ITIH5: variants seen among roughly 807,000 people sequenced by gnomAD.
ITIH5 encodes inter-alpha-trypsin inhibitor heavy chain 5.
ITIH5 carries 65 observed loss-of-function variants against 77.5 expected under a neutral mutation model. That is an observed-to-expected ratio of 0.84 (90% confidence interval 0.69 to 1.03). The LOEUF (loss-of-function observed/expected upper bound fraction) is 1.03. Among genes scored for constraint, ITIH5 ranks in the 50% least tolerant of loss-of-function variants. ITIH5 has a pLI of 0.00. For synonymous variants in ITIH5, 525 were observed against 494.3 expected, an observed-to-expected ratio of 1.06 and a Z score of -0.82; for missense variants, 1,208 against 1,213.1, an observed-to-expected ratio of 1.00 and a Z score of 0.06.
chr10:7,593,217 T>C (rs1325357118), intron 7 of ITIH5, among the ~76,000 whole-genome samples: 1 of 152,090 alleles, frequency 6.6e-6, no homozygotes, highest in Non-Finnish European at 1.5e-5. Context: ...CAGCTGCAAC[T>C]TGTCCTTGCG....
At chr10:7,592,586 A>T (rs564293011) in intron 7 of ITIH5, among the ~76,000 whole-genome samples, 11 of 152,318 alleles carry the variant, frequency 7.2e-5, no homozygotes, top group Non-Finnish European at 1.3e-4. Flanking sequence ...CATGAGACAC[A>T]GCCCAGCCCT....
At chr10:7,573,503 C>CAA (rs57321816) in intron 10 of ITIH5, among the ~76,000 whole-genome samples, 50 of 143,252 alleles carry the variant, frequency 3.5e-4, no homozygotes, top group African/African-American at 1.2e-3. Flanking sequence ...CCTGTCTCTA[C>CAA]AAAAAAAAAA....
chr10:7,645,618 G>T (rs1833998549), intron 2 of ITIH5, among the ~76,000 whole-genome samples: 1 of 152,304 alleles, frequency 6.6e-6, no homozygotes, highest in African/African-American at 2.4e-5. Context: ...GTGATCCACA[G>T]ATTTACGGCA....
rs879714170 is a variant in ITIH5 at position 7,607,563 on chromosome 10, C to T, written c.939+8419G>A. Among the ~76,000 whole-genome samples the T allele has an allele frequency of 1.1e-4, 16 of 152,356 alleles. No homozygotes were observed. In the South Asian group the frequency reaches 1.5e-3, roughly 14 times the overall value. On this transcript the variant is annotated intron_variant, in intron 7 of 13. Coordinates refer to ENST00000397146, the MANE Select transcript of ITIH5 (RefSeq NM_030569.7). ...GCGCTGTGGTTCATGCCTGTAATCC[C>T]AGCACTCTGGGAGGCTGAGGCAGGT...
intron 10 of ITIH5, among the ~76,000 whole-genome samples, chr10:7,574,079 ATG>A (rs1188637357): frequency 2.6e-5 from 4 of 152,260 alleles, no homozygotes; most frequent in Non-Finnish European, 5.9e-5. Context: ...GTCTGTAGCT[ATG>A]TGTGCGGCGG....
chr10:7,575,710 A>G (rs1832397237), intron 10 of ITIH5, among the ~76,000 whole-genome samples: 1 of 151,958 alleles, frequency 6.6e-6, no homozygotes, highest in African/African-American at 2.4e-5. Flanking sequence ...GGTCCTTCCC[A>G]CATGCTCTCG....
chr10:7,611,427 G>T (rs1295428815), intron 7 of ITIH5, among the ~76,000 whole-genome samples: 1 of 152,186 alleles, frequency 6.6e-6, no homozygotes, highest in African/African-American at 2.4e-5. Flanking sequence ...TTGGGGCAGG[G>T]TTTATTTTTC....
chr10:7,644,512 T>TATATCACATATATATG (rs1833947287), intron 2 of ITIH5, among the ~76,000 whole-genome samples: 1 of 48,894 alleles, frequency 2.0e-5, no homozygotes, highest in African/African-American at 1.0e-4. Context: ...ATATATATGA[T>TATATCACATATATATG]ATATATCACA....
intron 7 of ITIH5, among the ~76,000 whole-genome samples, chr10:7,615,137 C>T: frequency 6.6e-6 from 1 of 152,096 alleles, no homozygotes; most frequent in Non-Finnish European, 1.5e-5. Context: ...ATCCCAGCTA[C>T]TCAGGAGGCT....
chr10:7,566,965 C>T (rs1486960368), intron 12 of ITIH5, among the ~76,000 whole-genome samples: 1 of 151,410 alleles, frequency 6.6e-6, no homozygotes, highest in East Asian at 1.9e-4. Flanking sequence ...CAAGTTAGAA[C>T]TTCCCTCCTC....
intron 2 of ITIH5, among the ~76,000 whole-genome samples, chr10:7,644,066 C>T (rs904534907): frequency 4.6e-5 from 7 of 152,050 alleles, no homozygotes; most frequent in Non-Finnish European, 1.0e-4. Context: ...CATGGTGAAA[C>T]CCCGTCTTTA....
At chr10:7,603,423 T>G (rs1833055364) in intron 7 of ITIH5, among the ~76,000 whole-genome samples, 2 of 151,990 alleles carry the variant, frequency 1.3e-5, no homozygotes, top group Admixed American at 1.3e-4. Flanking sequence ...TGCTAATCAG[T>G]GTGGGGGTTC....
rs71383933 is a variant in ITIH5 at position 7,644,956 on chromosome 10, CAT to C, written c.136-2868_136-2867del. Among the ~76,000 whole-genome samples the C allele has an allele frequency of 8.0e-5, 3 of 37,344 alleles. 1 individual carries two copies. The highest frequency in any genetic ancestry group is 1.6e-4 in the Non-Finnish European group (3 of 19,118). 24.5% of individuals were successfully genotyped at this position (37,344 alleles called of 152,430 possible). A position where few individuals can be genotyped will look rare whatever the true frequency, so the allele number is the denominator to read the frequency against. ...ATATATCACATATATATATATCACA[CAT>C]ATATATATATATATCAAGCACACCT... is the stretch of plus-strand genomic sequence containing the variant. On this transcript the variant is annotated intron_variant, in intron 2 of 13. Transcript: ENST00000397146.
intron 2 of ITIH5, among the ~76,000 whole-genome samples, chr10:7,644,364 T>G (rs1294175838): frequency 6.8e-6 from 1 of 146,668 alleles, no homozygotes; most frequent in African/African-American, 2.5e-5. Context: ...ATATCATATA[T>G]ATCACATATA....
intron 10 of ITIH5, among the ~76,000 whole-genome samples, chr10:7,573,609 A>C (rs1459537950): frequency 6.6e-6 from 1 of 150,808 alleles, no homozygotes; most frequent in Admixed American, 6.6e-5. Flanking sequence ...CCAGGAGATC[A>C]AGGCTGCAGT....
intron 7 of ITIH5, among the ~76,000 whole-genome samples, chr10:7,608,267 T>G (rs1054367656): frequency 1.1e-4 from 17 of 152,164 alleles, no homozygotes; most frequent in Non-Finnish European, 2.2e-4. Flanking sequence ...CCTTCTTTGA[T>G]CTCCGTCGTT....
intron 7 of ITIH5, among the ~76,000 whole-genome samples, chr10:7,606,530 C>T (rs570602968): frequency 7.9e-5 from 12 of 152,166 alleles, no homozygotes; most frequent in Non-Finnish European, 1.5e-4. Flanking sequence ...TATACCCTCA[C>T]TTATAAGTGG....
intron 10 of ITIH5, among the ~76,000 whole-genome samples, chr10:7,574,193 T>C (rs1832361579): frequency 6.6e-6 from 1 of 152,174 alleles, no homozygotes; most frequent in East Asian, 1.9e-4. Context: ...TTAATATCTA[T>C]AAATAAAATC....
chr10:7,575,337 G>A (rs1832388406), intron 10 of ITIH5, among the ~76,000 whole-genome samples: 2 of 152,122 alleles, frequency 1.3e-5, no homozygotes, highest in South Asian at 4.1e-4. Flanking sequence ...AGGAGGGTTG[G>A]TGAATCCTAA....
Sources: allele counts gnomAD v4.1 joint callset (sites outside exome capture counted in the v4.1 genomes callset), GRCh38; gene constraint gnomAD v4.1.1; transcripts MANE v1.5; gene names NCBI Gene and HGNC (gene_info 2026-07-23, HGNC 2026-07-21).